TMEM150C: variants seen among roughly 807,000 people sequenced by gnomAD.
TMEM150C encodes the protein transmembrane protein 150C.
A neutral mutation model predicts 29.9 loss-of-function variants in TMEM150C; 10 were observed. The observed-to-expected ratio is 0.33, with a 90% confidence interval of 0.21 to 0.57. The LOEUF (loss-of-function observed/expected upper bound fraction) is 0.57, where lower values mean the gene tolerates loss of function less well. Ranked by LOEUF, TMEM150C falls within the 20% of genes least tolerant of loss-of-function variation. The pLI, the probability that TMEM150C is intolerant of heterozygous loss-of-function variation, is 0.88. For synonymous variants in TMEM150C, 101 were observed against 112.5 expected, an observed-to-expected ratio of 0.90 and a Z score of 0.64; for missense variants, 251 against 303.6, an observed-to-expected ratio of 0.83 and a Z score of 1.29.
At chr4:82,537,332 TTTACTGTA>T (rs1188323132) in intron 1 of TMEM150C, among the ~76,000 whole-genome samples, 3 of 152,174 alleles carry the variant, frequency 2.0e-5, no homozygotes, top group Non-Finnish European at 4.4e-5. Flanking sequence ...AATTTCCAAT[TTTACTGTA>T]TCCAAGAAGA....
intron 6 of TMEM150C, among the ~76,000 whole-genome samples, chr4:82,491,819 G>A (rs1409305184): frequency 6.6e-6 from 1 of 150,978 alleles, no homozygotes; most frequent in Admixed American, 6.6e-5. Flanking sequence ...ATTTACTGAT[G>A]GAGGACAGCC....
chr4:82,492,977 A>G (rs1017856566), intron 6 of TMEM150C, among the ~76,000 whole-genome samples: 5 of 149,280 alleles, frequency 3.3e-5, no homozygotes, highest in Non-Finnish European at 5.9e-5. Context: ...GTATTTACAT[A>G]TTTTTAAAAA....
intron 1 of TMEM150C, among the ~76,000 whole-genome samples, chr4:82,513,757 T>A (rs557958066): frequency 1.3e-5 from 2 of 152,166 alleles, no homozygotes; most frequent in East Asian, 3.9e-4. Context: ...AAAATAAGGG[T>A]TTTGCCTTCC....
intron 1 of TMEM150C, 63 bp downstream of exon 1, chr4:82,561,843 G>A (rs1486279453): frequency 2.1e-6 from 2 of 973,114 alleles, no homozygotes; most frequent in East Asian, 1.1e-4. Context: ...TGCGCACGGG[G>A]CCGGGCCGGA....
intron 1 of TMEM150C, among the ~76,000 whole-genome samples, chr4:82,513,320 A>C (rs1724190545): frequency 6.6e-6 from 1 of 152,224 alleles, no homozygotes; most frequent in Admixed American, 6.5e-5. Flanking sequence ...AACCTCCAGC[A>C]AACTCCAGCA....
chr4:82,562,103 G>A (rs1429350459), upstream of TMEM150C: 1 of 1,231,904 alleles, frequency 8.1e-7, no homozygotes, highest in Non-Finnish European at 1.0e-6. Flanking sequence ...AGGCCTTCGG[G>A]GAGAGTTGAT....
At chr4:82,548,537 G>C (rs1046982281) in intron 1 of TMEM150C, among the ~76,000 whole-genome samples, 2 of 152,178 alleles carry the variant, frequency 1.3e-5, no homozygotes, top group African/African-American at 4.8e-5. Flanking sequence ...GCATGCTGCA[G>C]TCCAGTCCCT....
At chr4:82,541,897 C>T (rs1372704545) in intron 1 of TMEM150C, among the ~76,000 whole-genome samples, 1 of 152,150 alleles carries the variant, frequency 6.6e-6, no homozygotes, top group Non-Finnish European at 1.5e-5. Flanking sequence ...ACAGCCCTGC[C>T]TTGCTCTATA....
intron 1 of TMEM150C, among the ~76,000 whole-genome samples, chr4:82,524,399 A>C (rs1257298937): frequency 6.6e-6 from 1 of 152,172 alleles, no homozygotes; most frequent in African/African-American, 2.4e-5. Flanking sequence ...AGACATTTCT[A>C]AAAAGAGAGA....
At chr4:82,495,916 G>A (rs1010886794) in intron 6 of TMEM150C, 152 bp downstream of exon 6, 124 of 930,456 alleles carry the variant, frequency 1.3e-4, no homozygotes, top group East Asian at 3.9e-4. Context: ...GAACAGCTCC[G>A]AGTTGCCATG....
intron 1 of TMEM150C, among the ~76,000 whole-genome samples, chr4:82,527,019 CTTTTT>C (rs893109064): frequency 1.3e-5 from 1 of 74,690 alleles, no homozygotes; most frequent in East Asian, 4.4e-4. Context: ...CATACTGGGT[CTTTTT>C]TTTTTTTTTT....
intron 1 of TMEM150C, among the ~76,000 whole-genome samples, chr4:82,523,425 G>T (rs1038833230): frequency 6.6e-6 from 1 of 152,152 alleles, no homozygotes; most frequent in African/African-American, 2.4e-5. Flanking sequence ...ATATGCAAAT[G>T]CATTGCCATG....
At chr4:82,495,458 G>A (rs1028898628) in intron 6 of TMEM150C, 36 of 348,356 alleles carry the variant, frequency 1.0e-4, no homozygotes, top group Admixed American at 3.4e-5. Context: ...AAAAGTTTGC[G>A]GATTCTGCTA....
At chr4:82,537,237 G>A (rs981245712) in intron 1 of TMEM150C, among the ~76,000 whole-genome samples, 40 of 152,032 alleles carry the variant, frequency 2.6e-4, no homozygotes, top group South Asian at 2.1e-4. Flanking sequence ...TGCCCGCCTC[G>A]GCCTCCCAAA....
intron 1 of TMEM150C, among the ~76,000 whole-genome samples, chr4:82,561,585 T>C (rs967866295): frequency 2.0e-5 from 3 of 149,860 alleles, no homozygotes; most frequent in South Asian, 4.2e-4. Context: ...GCGGGCGGGC[T>C]GGCTGGCGGC....
intron 1 of TMEM150C, among the ~76,000 whole-genome samples, chr4:82,515,401 A>T (rs1232747483): frequency 6.6e-6 from 1 of 152,196 alleles, no homozygotes; most frequent in Non-Finnish European, 1.5e-5. Context: ...TTTATAGATG[A>T]CAGTGAGGTG....
rs552158557 is a variant in TMEM150C at position 82,559,870 on chromosome 4, G to A, written c.-11+2036C>T. ...AGTGAAACCAAATGGCTGAGATTGC[G>A]GGGTCCAGCTAGCTTTTCCTCTCTC... On this transcript the variant is annotated intron_variant, in intron 1 of 7. Transcript: ENST00000449862. 3.9e-5 allele frequency among the ~76,000 whole-genome samples: 6 copies of A among 152,280 alleles called. No homozygotes were observed. In the South Asian group the frequency reaches 6.2e-4, roughly 16 times the overall value.
intron 1 of TMEM150C, among the ~76,000 whole-genome samples, chr4:82,550,662 A>G (rs748619038): frequency 1.3e-5 from 2 of 152,046 alleles, no homozygotes; most frequent in Non-Finnish European, 2.9e-5. Flanking sequence ...GGTGGCGGGC[A>G]CCGGTAGTCC....
At chr4:82,562,183 G>A, upstream of TMEM150C, 1 of 1,283,496 alleles carries the variant, frequency 7.8e-7, no homozygotes, top group Non-Finnish European at 1.0e-6. Flanking sequence ...AGCCGGGTGT[G>A]GGCGGGCGAG....
Sources: gnomAD v4.1 joint callset for allele counts (sites outside exome capture counted in the v4.1 genomes callset) on GRCh38, gnomAD v4.1.1 for gene constraint, MANE v1.5 for transcripts, NCBI Gene and HGNC (gene_info 2026-07-23, HGNC 2026-07-21) for gene names.